The following ZFHX3 variants were observed in gnomAD, a reference collection of about 807,000 sequenced individuals.
ZFHX3 encodes the protein zinc finger homeobox protein 3.
In ZFHX3, 42 loss-of-function variants were observed where a neutral mutation model predicts 279.1. The observed-to-expected ratio is 0.15, with a 90% CI of 0.12 to 0.19. ZFHX3 has a LOEUF of 0.19. ZFHX3 is among the 10% of genes least tolerant of loss of function. ZFHX3 has a pLI of 1.00. For synonymous variants in ZFHX3, 2,293 were observed against 1,957.8 expected (o/e 1.17, Z -4.52); for missense variants, 4,981 against 4,754.0 (o/e 1.05, Z -1.40).
chr16:73,582,648 G>C (rs2143826723), intron 2 of ZFHX3, among the ~76,000 whole-genome samples: 1 of 151,774 alleles, frequency 6.6e-6, no homozygotes, highest in South Asian at 2.1e-4. Context: ...CAAATTTTTT[G>C]TATTTTTTCA....
chr16:72,788,731 G>T lies in ZFHX3; in HGVS notation c.9545C>A (p.Thr3182Asn), dbSNP rs1235845724. The T allele has an allele frequency of 4.4e-6, 7 of 1,601,620 alleles. No homozygotes were observed. The highest frequency in any genetic ancestry group is 6.0e-6 in the Non-Finnish European group (7 of 1,174,140). The stretch of plus-strand genomic sequence containing the variant: ...CATCGCCATCGTGGCTTGTGCTGGG[G>T]TTGGGGAGCTCAGCGACGCTGAGGA... ...KPSSASLSSP[T>N]PAQATMAMGP... The change falls in exon 10 of 10, where the codon ACC (threonine) becomes AAC (asparagine). Residue 3182 changes from threonine (T) to asparagine (N), a missense_variant. Around this residue, in one of 7 missense-constraint regions of ZFHX3, gnomAD observed 1,034 missense variants for 786.0 expected, o/e 1.32. Transcript: ENST00000268489.
At chr16:73,625,807 C>T (rs1440329286) in intron 2 of ZFHX3, among the ~76,000 whole-genome samples, 2 of 152,190 alleles carry the variant, frequency 1.3e-5, no homozygotes, top group South Asian at 2.1e-4. Context: ...CACCGAGCAG[C>T]GAAGCTCTAA....
chr16:73,654,571 T>G (rs1460088926), intron 2 of ZFHX3, among the ~76,000 whole-genome samples: 2 of 152,084 alleles, frequency 1.3e-5, no homozygotes, highest in African/African-American at 2.4e-5. Flanking sequence ...CCTAAAAAAT[T>G]TATTACTTAA....
chr16:73,040,535 C>T (rs935939971), intron 1 of ZFHX3, among the ~76,000 whole-genome samples: 1 of 147,462 alleles, frequency 6.8e-6, no homozygotes, highest in Non-Finnish European at 1.5e-5. Flanking sequence ...GCCTGCCAGC[C>T]TGGGGAGGGG....
chr16:73,276,294 T>C (rs543217854), intron 4 of ZFHX3, among the ~76,000 whole-genome samples: 3 of 151,806 alleles, frequency 2.0e-5, no homozygotes, highest in South Asian at 4.2e-4. Context: ...AGCGATTCTC[T>C]TGCCTCAGCC....
intron 3 of ZFHX3, among the ~76,000 whole-genome samples, chr16:73,411,169 G>C (rs1597324220): frequency 6.6e-6 from 1 of 152,308 alleles, no homozygotes; most frequent in South Asian, 2.1e-4. Flanking sequence ...ACAACCACAA[G>C]CTAGAGTTGA....
At position 72,788,599 on chromosome 16, in the gene ZFHX3, A is replaced by AGTGGGAGCTGTGGTGTGG. The variant is rs1567508902; in HGVS notation, c.9659_9676dup (p.Pro3220_Pro3225dup). On this transcript the variant is annotated inframe_insertion, in exon 10 of 10. Coordinates refer to ENST00000268489, the MANE Select transcript of ZFHX3 (RefSeq NM_006885.4). ...GTCCTTGCGTTGCTGCTGCTGTTGC[A>AGTGGGAGCTGTGGTGTGG]GTGGGAGCTGTGGTGTGGGTGGCGG... 1 of 1,613,104 alleles carries AGTGGGAGCTGTGGTGTGG rather than the reference A, an allele frequency of 6.2e-7. No homozygotes were observed. Among genetic ancestry groups the AGTGGGAGCTGTGGTGTGG allele is most frequent in the South Asian group, 1.1e-5 (1 of 91,018 alleles).
At position 73,364,341 on chromosome 16, in the gene ZFHX3, T is replaced by G. The variant is rs548481926; in HGVS notation, c.-1290-46005A>C. 4.0e-4 allele frequency among the ~76,000 whole-genome samples: 60 copies of G among 149,508 alleles called. 2 individuals carry two copies. The South Asian group carries it at 0.012, about 30-fold the overall frequency. ...TATTTACATTTTATAATAAATTCAA[T>G]AATAATAGTAATATTACTATAATAT... is the stretch of plus-strand genomic sequence containing the variant. On this transcript the variant is annotated intron_variant, in intron 3 of 17. Transcript: ENST00000641206.
chr16:73,750,042 A>T (rs1317205644), intron 1 of ZFHX3, among the ~76,000 whole-genome samples: 4 of 152,126 alleles, frequency 2.6e-5, no homozygotes, highest in Non-Finnish European at 5.9e-5. Flanking sequence ...TCACCCATCC[A>T]TCCAATGGCT....
chr16:73,217,672 C>T (rs964798755), intron 5 of ZFHX3, among the ~76,000 whole-genome samples: 7 of 152,212 alleles, frequency 4.6e-5, no homozygotes, highest in East Asian at 3.9e-4. Context: ...GCCCACTCCA[C>T]GGGGTTTCAG....
At chr16:72,941,108 C>T (rs983654367) in intron 3 of ZFHX3, among the ~76,000 whole-genome samples, 5 of 152,154 alleles carry the variant, frequency 3.3e-5, no homozygotes, top group Admixed American at 6.5e-5. Flanking sequence ...TGCTGGTGAC[C>T]GAACCAGGCC....
At chr16:72,915,856 C>A (rs1172235618) in intron 3 of ZFHX3, among the ~76,000 whole-genome samples, 1 of 152,206 alleles carries the variant, frequency 6.6e-6, no homozygotes, top group Non-Finnish European at 1.5e-5. Flanking sequence ...AAGTTAATCT[C>A]TGAGTGCTTA....
intron 2 of ZFHX3, among the ~76,000 whole-genome samples, chr16:73,617,198 A>G (rs147678929): frequency 6.4e-4 from 98 of 152,304 alleles, no homozygotes; most frequent in African/African-American, 2.3e-3. Flanking sequence ...AAGGGGCCCT[A>G]TCATTAGCTG....
chr16:73,158,360 CA>C (rs1464786530), intron 5 of ZFHX3, among the ~76,000 whole-genome samples: 7 of 152,198 alleles, frequency 4.6e-5, no homozygotes, highest in Non-Finnish European at 1.0e-4. Flanking sequence ...TCTGCCAGTG[CA>C]AAGTAATAAA....
chr16:73,153,133 C>T (rs548059451), intron 5 of ZFHX3, among the ~76,000 whole-genome samples: 2 of 152,256 alleles, frequency 1.3e-5, no homozygotes, highest in African/African-American at 4.8e-5. Flanking sequence ...CCCCACCACC[C>T]CAAACCACTT....
At chr16:73,239,377 G>C (rs948376132) in intron 5 of ZFHX3, among the ~76,000 whole-genome samples, 4 of 152,306 alleles carry the variant, frequency 2.6e-5, no homozygotes, top group African/African-American at 9.6e-5. Flanking sequence ...TCTGGCTAAG[G>C]CCGAACTTCC....
chr16:73,794,514 T>C (rs565996834), intron 1 of ZFHX3, among the ~76,000 whole-genome samples: 2 of 152,282 alleles, frequency 1.3e-5, no homozygotes, highest in East Asian at 3.9e-4. Flanking sequence ...GGTTGCATGG[T>C]CCTTTATTCA....
chr16:73,823,072 G>A (rs561783462), intron 1 of ZFHX3, among the ~76,000 whole-genome samples: 1 of 152,232 alleles, frequency 6.6e-6, no homozygotes, highest in African/African-American at 2.4e-5. Flanking sequence ...CCAGTGAAAG[G>A]GACAGACATT....
intron 5 of ZFHX3, among the ~76,000 whole-genome samples, chr16:73,247,832 T>C (rs2013345103): frequency 6.6e-6 from 1 of 152,172 alleles, no homozygotes; most frequent in Non-Finnish European, 1.5e-5. Context: ...GTATACTATG[T>C]ATATAATGTG....
Sources: allele counts gnomAD v4.1 joint callset (sites outside exome capture counted in the v4.1 genomes callset), GRCh38; gene constraint gnomAD v4.1.1; regional missense constraint gnomAD v4.1.1; transcripts MANE v1.5; gene names NCBI Gene and HGNC (gene_info 2026-07-23, HGNC 2026-07-21).